Variants in PELI2 observed in about 807,000 individuals in gnomAD.
The protein encoded by PELI2 is pellino E3 ubiquitin protein ligase family member 2.
In PELI2, 23 loss-of-function variants were observed where a neutral mutation model predicts 42.3. The ratio of observed to expected loss-of-function variants is 0.54; its 90% confidence interval spans 0.39 to 0.77. The LOEUF (loss-of-function observed/expected upper bound fraction) is 0.77. PELI2 is among the 30% of genes least tolerant of loss of function. The probability of loss-of-function intolerance (pLI) is 0.00; values close to 1 mark genes in which losing one functional copy is unlikely to be tolerated. For synonymous variants in PELI2, 245 were observed against 212.2 expected, an observed-to-expected ratio of 1.15 and a Z score of -1.34; for missense variants, 463 against 553.2, an observed-to-expected ratio of 0.84 and a Z score of 1.64.
chr14:56,238,207 A>C (rs970363851), intron 2 of PELI2, among the ~76,000 whole-genome samples: 9 of 152,216 alleles, frequency 5.9e-5, no homozygotes, highest in African/African-American at 2.2e-4. Context: ...AATAATAACC[A>C]ACTCTGCTGA....
chr14:56,244,997 A>G (rs1888101084), intron 2 of PELI2, among the ~76,000 whole-genome samples: 1 of 152,242 alleles, frequency 6.6e-6, no homozygotes, highest in African/African-American at 2.4e-5. Context: ...ATTTTCATCA[A>G]GGAAGCATAA....
intron 2 of PELI2, among the ~76,000 whole-genome samples, chr14:56,255,907 G>C (rs914705221): frequency 2.0e-5 from 3 of 152,176 alleles, no homozygotes; most frequent in African/African-American, 7.2e-5. Context: ...CTAGTCCCTA[G>C]TTCCTGCTGG....
At chr14:56,269,730 A>G (rs1490930737) in intron 2 of PELI2, among the ~76,000 whole-genome samples, 1 of 152,148 alleles carries the variant, frequency 6.6e-6, no homozygotes, top group Non-Finnish European at 1.5e-5. Context: ...AATCTGTACT[A>G]TTAGCGAAAC....
chr14:56,200,690 G>A (rs1226333214), intron 2 of PELI2, among the ~76,000 whole-genome samples: 1 of 152,196 alleles, frequency 6.6e-6, no homozygotes, highest in South Asian at 2.1e-4. Context: ...TGTACTTCAG[G>A]CAAAGGTGAT....
intron 1 of PELI2, among the ~76,000 whole-genome samples, chr14:56,148,535 TG>T (rs1240142596): frequency 1.3e-5 from 2 of 152,198 alleles, no homozygotes; most frequent in Non-Finnish European, 1.5e-5. Context: ...TTGCAGATCT[TG>T]CTCTGGCTGT....
chr14:56,210,587 A>G lies in PELI2; in HGVS notation c.207+32123A>G, dbSNP rs527969500. 3.6e-4 allele frequency among the ~76,000 whole-genome samples: 55 copies of G among 152,342 alleles called. 1 individual carries two copies. Among genetic ancestry groups the G allele is most frequent in the African/African-American group, 1.3e-3 (52 of 41,580 alleles). On this transcript the variant is annotated intron_variant, in intron 2 of 5. Transcript: ENST00000267460. The stretch of plus-strand genomic sequence containing the variant: ...GGAGTTTGTGATCCCATTAGTTCAT[A>G]TTTAAGTTTTCCAGACATAAAGATG...
At position 56,288,308 on chromosome 14, in the gene PELI2, G is replaced by C; in HGVS notation, c.310-129G>C. On this transcript the variant is annotated intron_variant, in intron 3 of 5. Transcript: ENST00000267460. This position sits in a 1 kb window ranked among gnomAD's most constrained non-coding sequence, Gnocchi z 4.6. ...GAAAAGGAGCACGAATGAAAATCTT[G>C]CATTAAATTCTAACCCTCAGAACAA... The C allele has an allele frequency of 2.9e-6, 2 of 685,512 alleles. No homozygotes were observed. The highest frequency in any genetic ancestry group is 5.0e-6 in the Non-Finnish European group (2 of 396,322). 42.5% of individuals were successfully genotyped at this position (685,512 alleles called of 1,614,324 possible).
chr14:56,119,510 C>G (rs1595529725), intron 1 of PELI2, among the ~76,000 whole-genome samples: 1 of 152,228 alleles, frequency 6.6e-6, no homozygotes, highest in African/African-American at 2.4e-5. Context: ...CAGCCTCGCC[C>G]GCCTCGGCTC....
chr14:56,208,282 G>A (rs951006007), intron 2 of PELI2, among the ~76,000 whole-genome samples: 3 of 152,198 alleles, frequency 2.0e-5, no homozygotes, highest in African/African-American at 7.2e-5. Flanking sequence ...GTTTCAGGGA[G>A]ACAGAGAGGA....
chr14:56,229,361 C>T (rs901254424), intron 2 of PELI2, among the ~76,000 whole-genome samples: 4 of 152,220 alleles, frequency 2.6e-5, no homozygotes, highest in Non-Finnish European at 5.9e-5. Flanking sequence ...TGACTGACAC[C>T]TCATACAGCA....
intron 2 of PELI2, among the ~76,000 whole-genome samples, chr14:56,261,430 A>G (rs547052624): frequency 6.6e-6 from 1 of 152,314 alleles, no homozygotes; most frequent in South Asian, 2.1e-4. Context: ...TGATGGAAAC[A>G]GGATTTGATG....
At chr14:56,127,820 A>G (rs1883331130) in intron 1 of PELI2, among the ~76,000 whole-genome samples, 1 of 152,224 alleles carries the variant, frequency 6.6e-6, no homozygotes, top group Non-Finnish European at 1.5e-5. Context: ...AGAGGGACTA[A>G]AAGATGTGAA....
intron 1 of PELI2, among the ~76,000 whole-genome samples, chr14:56,136,834 C>G (rs1883702853): frequency 6.6e-6 from 1 of 152,100 alleles, no homozygotes; most frequent in Admixed American, 6.6e-5. Flanking sequence ...ATTGTGCACT[C>G]TGAGATCATT....
chr14:56,191,441 C>A (rs963345513), intron 2 of PELI2, among the ~76,000 whole-genome samples: 1 of 152,190 alleles, frequency 6.6e-6, no homozygotes, highest in African/African-American at 2.4e-5. Flanking sequence ...GGCTGACTGG[C>A]AGCAGCAATG....
At chr14:56,257,951 C>T (rs1594690976) in intron 2 of PELI2, among the ~76,000 whole-genome samples, 1 of 152,294 alleles carries the variant, frequency 6.6e-6, no homozygotes, top group Admixed American at 6.5e-5. Flanking sequence ...TCTCTGAGCC[C>T]TTGGTCAGGT....
chr14:56,229,478 C>T (rs1439825527), intron 2 of PELI2, among the ~76,000 whole-genome samples: 1 of 152,228 alleles, frequency 6.6e-6, no homozygotes, highest in Non-Finnish European at 1.5e-5. Flanking sequence ...CCAAGGCAAA[C>T]GGGGTCTGGA....
At chr14:56,123,996 C>A (rs984825213) in intron 1 of PELI2, among the ~76,000 whole-genome samples, 1 of 152,126 alleles carries the variant, frequency 6.6e-6, no homozygotes, top group Non-Finnish European at 1.5e-5. Flanking sequence ...AGAAAAATAA[C>A]TGTGAAAAGG....
intron 5 of PELI2, among the ~76,000 whole-genome samples, chr14:56,291,754 C>T (rs1889838301): frequency 2.0e-5 from 3 of 152,244 alleles, no homozygotes; most frequent in Non-Finnish European, 4.4e-5. Flanking sequence ...CATGAGCTCA[C>T]TTCATCTGCA....
intron 2 of PELI2, among the ~76,000 whole-genome samples, chr14:56,267,835 T>C (rs1594699635): frequency 6.6e-6 from 1 of 152,182 alleles, no homozygotes; most frequent in Admixed American, 6.6e-5. Flanking sequence ...CTATAACTAA[T>C]CAATAGGATG....
Sources: gnomAD v4.1 joint callset for allele counts (sites outside exome capture counted in the v4.1 genomes callset) on GRCh38, gnomAD v4.1.1 for gene constraint, Gnocchi (gnomAD v3.1) non-coding constraint, MANE v1.5 for transcripts, NCBI Gene and HGNC (gene_info 2026-07-23, HGNC 2026-07-21) for gene names.